SDK1: variants seen among roughly 807,000 people sequenced by gnomAD.
SDK1 encodes the protein protein sidekick-1.
Under a neutral mutation model 245.5 loss-of-function variants are expected in SDK1, and 157 were observed. That is an observed-to-expected ratio of 0.64 (90% CI 0.56 to 0.73). The LOEUF (loss-of-function observed/expected upper bound fraction) is 0.73, where lower values mean the gene tolerates loss of function less well. Among genes scored for constraint, SDK1 ranks in the 30% least tolerant of loss-of-function variants. SDK1 has a pLI of 0.00. For synonymous variants in SDK1, 1,647 were observed against 1,278.5 expected (o/e 1.29, Z -6.15); for missense variants, 3,583 against 3,002.3 (o/e 1.19, Z -4.52).
chr7:4,260,024 G>A (rs1049240077), intron 44 of SDK1, among the ~76,000 whole-genome samples: 1 of 152,248 alleles, frequency 6.6e-6, no homozygotes, highest in Non-Finnish European at 1.5e-5. Flanking sequence ...CGGTGTTCCC[G>A]AAAAAGGAGC....
rs371299247 is a variant in SDK1 at position 4,174,204 on chromosome 7, G to T, written c.4801-18G>T. 83 of 1,613,554 alleles carry T rather than the reference G, an allele frequency of 5.1e-5. No individual in the cohort carries two copies. Among genetic ancestry groups the T allele is most frequent in the Non-Finnish European group, 6.5e-5 (77 of 1,179,750 alleles). ...TTGACTCCCATGGTGTGGCTGAGTC[G>T]GTGTGATGTCTTTGCAGCCTCCGAG... is the stretch of plus-strand genomic sequence containing the variant. On this transcript the variant is annotated intron_variant, in intron 32 of 44. Transcript: ENST00000404826.
intron 4 of SDK1, among the ~76,000 whole-genome samples, chr7:3,805,254 T>TGCA (rs1779213005): frequency 6.6e-6 from 1 of 152,248 alleles, no homozygotes; most frequent in Non-Finnish European, 1.5e-5. Context: ...ATTTATTACT[T>TGCA]CAGTGAGTGT....
intron 14 of SDK1, among the ~76,000 whole-genome samples, chr7:3,994,793 C>T (rs1460210829): frequency 6.6e-6 from 1 of 152,194 alleles, no homozygotes; most frequent in Non-Finnish European, 1.5e-5. Flanking sequence ...CCTGCCACCA[C>T]TGACCCTAAC....
chr7:3,742,341 G>A (rs984149850), intron 4 of SDK1, among the ~76,000 whole-genome samples: 14 of 151,990 alleles, frequency 9.2e-5, no homozygotes, highest in Admixed American at 3.9e-4. Flanking sequence ...GCCTTTTCCC[G>A]TCTGCCTGAA....
chr7:3,497,043 G>T (rs1206946261), intron 1 of SDK1, among the ~76,000 whole-genome samples: 1 of 152,142 alleles, frequency 6.6e-6, no homozygotes, highest in Non-Finnish European at 1.5e-5. Context: ...AGTGAAAAAT[G>T]TTCCTAATAA....
At chr7:3,640,951 G>C (rs1782631529) in intron 3 of SDK1, among the ~76,000 whole-genome samples, 1 of 151,990 alleles carries the variant, frequency 6.6e-6, no homozygotes, top group Non-Finnish European at 1.5e-5. Context: ...CAAAGTGCTG[G>C]GATGACAGGT....
intron 5 of SDK1, among the ~76,000 whole-genome samples, chr7:3,863,263 T>C (rs1780740281): frequency 2.6e-5 from 4 of 152,098 alleles, no homozygotes; most frequent in Admixed American, 2.6e-4. Flanking sequence ...GTTCCTTACC[T>C]CTCCCACCAA....
intron 1 of SDK1, among the ~76,000 whole-genome samples, chr7:3,449,299 A>G (rs1038294791): frequency 1.3e-5 from 2 of 151,364 alleles, no homozygotes; most frequent in South Asian, 2.1e-4. Flanking sequence ...GAGCGATCAG[A>G]TCCATACACA....
chr7:3,985,381 A>G (rs897836939), intron 13 of SDK1, among the ~76,000 whole-genome samples: 1 of 152,220 alleles, frequency 6.6e-6, no homozygotes, highest in Admixed American at 6.5e-5. Flanking sequence ...TTCAGACCAC[A>G]CCGATTCAGA....
chr7:3,336,173 A>C (rs1164290893), intron 1 of SDK1, among the ~76,000 whole-genome samples: 1 of 152,162 alleles, frequency 6.6e-6, no homozygotes, highest in Non-Finnish European at 1.5e-5. Flanking sequence ...CTCCAGCTAA[A>C]CCAAGGAAAC....
intron 14 of SDK1, among the ~76,000 whole-genome samples, chr7:4,004,880 CGTACTG>C (rs11277162): frequency 0.29 from 44,541 of 151,442 alleles, 6,961 homozygotes; most frequent in African/African-American, 0.4. Context: ...GTCCATCCAT[CGTACTG>C]GTTGTTTTGT....
At chr7:3,379,660 CAG>C (rs1239512916) in intron 1 of SDK1, among the ~76,000 whole-genome samples, 1 of 152,084 alleles carries the variant, frequency 6.6e-6, no homozygotes, top group African/African-American at 2.4e-5. Context: ...CAAGTAACCT[CAG>C]AGAATAATGA....
intron 1 of SDK1, among the ~76,000 whole-genome samples, chr7:3,586,451 A>G: frequency 6.6e-6 from 1 of 151,484 alleles, no homozygotes; most frequent in Non-Finnish European, 1.5e-5. Flanking sequence ...TAATCCCAGC[A>G]CTTTGGGAGG....
intron 5 of SDK1, among the ~76,000 whole-genome samples, chr7:3,848,375 C>T (rs1434866432): frequency 2.6e-5 from 4 of 152,164 alleles, no homozygotes; most frequent in Non-Finnish European, 5.9e-5. Flanking sequence ...CCTGACAGTC[C>T]TGTCTTCCTT....
chr7:4,014,833 C>T (rs1323125424), intron 16 of SDK1, among the ~76,000 whole-genome samples: 1 of 152,058 alleles, frequency 6.6e-6, no homozygotes, highest in East Asian at 1.9e-4. Flanking sequence ...TGACTGTGAC[C>T]TTCTTAGACA....
chr7:3,898,860 A>G (rs1250229618), intron 5 of SDK1, among the ~76,000 whole-genome samples: 1 of 152,190 alleles, frequency 6.6e-6, no homozygotes, highest in Non-Finnish European at 1.5e-5. Context: ...GGCTAAATTC[A>G]TCTGTAACAT....
intron 1 of SDK1, among the ~76,000 whole-genome samples, chr7:3,575,542 C>A (rs1255071521): frequency 2.6e-5 from 4 of 151,912 alleles, no homozygotes; most frequent in East Asian, 3.9e-4. Context: ...GGGGGGACAC[C>A]CACATTGGCT....
At chr7:3,359,950 AT>A (rs1242773502) in intron 1 of SDK1, among the ~76,000 whole-genome samples, 1 of 152,178 alleles carries the variant, frequency 6.6e-6, no homozygotes, top group East Asian at 1.9e-4. Context: ...GAGTTACTTT[AT>A]TTACAGCAAC....
chr7:3,854,359 G>C (rs1277895895), intron 5 of SDK1, among the ~76,000 whole-genome samples: 5 of 152,170 alleles, frequency 3.3e-5, no homozygotes, highest in Non-Finnish European at 7.3e-5. Flanking sequence ...ATACCTTATA[G>C]AGTATGTGTG....
Sources: allele counts gnomAD v4.1 joint callset (sites outside exome capture counted in the v4.1 genomes callset), GRCh38; gene constraint gnomAD v4.1.1; transcripts MANE v1.5; gene names NCBI Gene and HGNC (gene_info 2026-07-23, HGNC 2026-07-21).